Variants in AFG1L observed in about 807,000 individuals in gnomAD.
The protein encoded by AFG1L is AFG1-like ATPase.
A neutral mutation model predicts 62.2 loss-of-function variants in AFG1L; 53 were observed. The observed-to-expected ratio is 0.85, with a 90% CI of 0.68 to 1.07. The LOEUF (loss-of-function observed/expected upper bound fraction) is 1.07, where lower values mean the gene tolerates loss of function less well. AFG1L is among the 50% of genes least tolerant of loss of function. The pLI, the probability that AFG1L is intolerant of heterozygous loss-of-function variation, is 0.00. For missense variants in AFG1L, 555 were observed against 590.5 expected (o/e 0.94, Z 0.62); for synonymous variants, 228 against 210.3 (o/e 1.08, Z -0.73).
chr6:108,376,602 A>G (rs890038152), intron 6 of AFG1L, among the ~76,000 whole-genome samples: 1 of 151,950 alleles, frequency 6.6e-6, no homozygotes, highest in African/African-American at 2.4e-5. Context: ...ATTGATTTCT[A>G]TTTTTATTCT....
At position 108,447,309 on chromosome 6, in the gene AFG1L, A is replaced by G. The variant is rs1288880785; in HGVS notation, c.890+13A>G. The G allele has an allele frequency of 4.0e-6, 6 of 1,505,788 alleles. No individual in the cohort carries two copies. The highest frequency in any genetic ancestry group is 3.4e-4 in the Middle Eastern group (2 of 5,854). The allele number at this position is 1,505,788 out of a possible 1,614,324, so 93.3% of individuals were successfully genotyped here. On this transcript the variant is annotated intron_variant, in intron 8 of 12. Transcript: ENST00000368977. Reference sequence around the variant, plus strand: ...AACTCTACTACCTGTAAGTGTTTCTAATTTTTAAAGTTTAATGTCTAATCG... The same window carrying G: ...AACTCTACTACCTGTAAGTGTTTCTGATTTTTAAAGTTTAATGTCTAATCG...
intron 7 of AFG1L, among the ~76,000 whole-genome samples, chr6:108,434,487 G>T (rs1170673768): frequency 6.6e-6 from 1 of 152,136 alleles, no homozygotes; most frequent in East Asian, 1.9e-4. Flanking sequence ...AAGCAATCAA[G>T]CTCTGTTGAT....
chr6:108,516,225 T>C (rs944625000), intron 11 of AFG1L, among the ~76,000 whole-genome samples: 5 of 152,200 alleles, frequency 3.3e-5, no homozygotes, highest in African/African-American at 1.2e-4. Flanking sequence ...CCAATATCCC[T>C]GATGAACATC....
At chr6:108,336,646 A>G (rs1459949241) in intron 2 of AFG1L, among the ~76,000 whole-genome samples, 1 of 152,214 alleles carries the variant, frequency 6.6e-6, no homozygotes. Context: ...AAATATGCAG[A>G]TATTTTTGAA....
intron 2 of AFG1L, among the ~76,000 whole-genome samples, chr6:108,342,982 T>C (rs1332402023): frequency 6.6e-6 from 1 of 152,016 alleles, no homozygotes; most frequent in African/African-American, 2.4e-5. Context: ...ATATATAATG[T>C]AGTATTTGCT....
At chr6:108,348,239 C>T (rs1165550977) in intron 3 of AFG1L, among the ~76,000 whole-genome samples, 1 of 152,064 alleles carries the variant, frequency 6.6e-6, no homozygotes. Flanking sequence ...CCACCATGCC[C>T]GGCTAATTTT....
At chr6:108,418,655 G>A (rs1318342617) in intron 7 of AFG1L, among the ~76,000 whole-genome samples, 17 of 151,950 alleles carry the variant, frequency 1.1e-4, no homozygotes, top group Admixed American at 1.0e-3. Flanking sequence ...ATAGTGATTC[G>A]GTATCAATTT....
At chr6:108,504,513 G>A (rs1774324824) in intron 10 of AFG1L, among the ~76,000 whole-genome samples, 1 of 152,056 alleles carries the variant, frequency 6.6e-6, no homozygotes, top group Admixed American at 6.6e-5. Flanking sequence ...ACAGTAACAT[G>A]GAAGATCACT....
At chr6:108,333,739 A>G (rs2114356312) in intron 2 of AFG1L, among the ~76,000 whole-genome samples, 1 of 152,340 alleles carries the variant, frequency 6.6e-6, no homozygotes, top group African/African-American at 2.4e-5. Context: ...TATTTATAAA[A>G]TGGAATGTTG....
intron 1 of AFG1L, among the ~76,000 whole-genome samples, chr6:108,306,030 A>T (rs371241614): frequency 3.9e-5 from 6 of 152,182 alleles, no homozygotes; most frequent in African/African-American, 1.4e-4. Context: ...CAGCCTCTTG[A>T]GTAGCTGGGA....
chr6:108,522,119 C>T (rs1163364699), intron 12 of AFG1L, 178 bp from the exon 13 acceptor site: 12 of 465,694 alleles, frequency 2.6e-5, no homozygotes, highest in Non-Finnish European at 4.7e-5. Flanking sequence ...TACTGCCTAT[C>T]AGTTTAAATT....
At chr6:108,318,048 G>C (rs554307130) in intron 1 of AFG1L, 1 of 153,314 alleles carries the variant, frequency 6.5e-6, no homozygotes, top group African/African-American at 2.4e-5. Flanking sequence ...AGGAAATCAT[G>C]TGTTTTCTTG....
At chr6:108,304,212 A>G (rs1001921560) in intron 1 of AFG1L, among the ~76,000 whole-genome samples, 2 of 152,180 alleles carry the variant, frequency 1.3e-5, no homozygotes, top group African/African-American at 4.8e-5. Context: ...ATGATGGCTT[A>G]TGTTGTTTTT....
chr6:108,312,445 AC>A (rs1777448775), intron 1 of AFG1L, among the ~76,000 whole-genome samples: 1 of 152,102 alleles, frequency 6.6e-6, no homozygotes, highest in Non-Finnish European at 1.5e-5. Flanking sequence ...TACTGGGGAG[AC>A]TGAGTTGAGA....
Position 108,422,477 on chromosome 6 carries a change from C to CAAAAAAAAAAAAAAAAAAAAAAAAAAAA in AFG1L, c.807+20445_807+20446insAAAAAAAAAAAAAAAAAAAAAAAAAAAA, listed in dbSNP as rs539232525. 2.2e-3 allele frequency among the ~76,000 whole-genome samples: 103 copies of CAAAAAAAAAAAAAAAAAAAAAAAAAAAA among 45,804 alleles called. 24 individuals carry two copies. Among genetic ancestry groups the CAAAAAAAAAAAAAAAAAAAAAAAAAAAA allele is most frequent in the African/African-American group, 6.9e-3 (66 of 9,612 alleles). The allele number at this position is 45,804 out of a possible 152,430, so 30.0% of individuals were successfully genotyped here. A position where few individuals can be genotyped will look rare whatever the true frequency, so the allele number is the denominator to read the frequency against. ...ATATTTTTTTAAAATTAGTCCTCAG[C>CAAAAAAAAAAAAAAAAAAAAAAAAAAAA]AAAAAAAAAAAAAAAAAAAAAAGAA... On this transcript the variant is annotated intron_variant, in intron 7 of 12. Coordinates refer to ENST00000368977, the MANE Select transcript of AFG1L (RefSeq NM_145315.5).
intron 1 of AFG1L, among the ~76,000 whole-genome samples, chr6:108,297,037 T>C (rs898584580): frequency 2.0e-5 from 3 of 152,160 alleles, no homozygotes; most frequent in Non-Finnish European, 2.9e-5. Context: ...TTGATGAAAA[T>C]GCAGTTAGGT....
Position 108,323,956 on chromosome 6 carries a change from G to C in AFG1L, c.271G>C (p.Asp91His). 1 of 1,614,110 alleles carries C rather than the reference G, an allele frequency of 6.2e-7. No individual in the cohort carries two copies. Residue 91 changes from aspartate (D) to histidine (H), a missense_variant, in exon 2 of 13, where the codon GAT (aspartate) becomes CAT (histidine). Transcript: ENST00000368977. ...GATCAAAGCTCATGAGCTAAAGGAT[G>C]ATGAACATCAAAGAAGAGTCATACA... Reference protein sequence around the residue: ...FLIKAHELKDDEHQRRVIQCL... With the variant: ...FLIKAHELKDHEHQRRVIQCL...
chr6:108,525,619 A>G lies in AFG1L; in HGVS notation c.*3194A>G, dbSNP rs1026158157. ...TTTTCTGTGTCCTGGGCATGGTTCT[A>G]TGTGCTTTATAAATAAACTCTTTTG... On this transcript the variant is annotated 3_prime_UTR_variant, in exon 13 of 13. Transcript: ENST00000368977. 6.6e-6 allele frequency: 1 copy of G among 152,186 alleles called. No individual in the cohort carries two copies. The highest frequency in any genetic ancestry group is 1.5e-5 in the Non-Finnish European group (1 of 68,038). 9.4% of individuals were successfully genotyped at this position (152,186 alleles called of 1,614,324 possible).
intron 1 of AFG1L, among the ~76,000 whole-genome samples, chr6:108,299,121 C>T (rs568869891): frequency 1.4e-3 from 206 of 152,002 alleles, no homozygotes; most frequent in African/African-American, 4.7e-3. Context: ...ATTAGCTGGG[C>T]GTGGTGGTGC....
Sources: allele counts gnomAD v4.1 joint callset (sites outside exome capture counted in the v4.1 genomes callset), GRCh38; gene constraint gnomAD v4.1.1; transcripts MANE v1.5; gene names NCBI Gene and HGNC (gene_info 2026-07-23, HGNC 2026-07-21).